ZNF503: variants seen among roughly 807,000 people sequenced by gnomAD.
ZNF503 encodes NocA-like zinc finger 2.
ZNF503 carries 15 observed loss-of-function variants against 34.4 expected under a neutral mutation model. The ratio of observed to expected loss-of-function variants is 0.44; its 90% CI spans 0.29 to 0.67. The LOEUF (loss-of-function observed/expected upper bound fraction) is 0.67. Ranked by LOEUF, ZNF503 falls within the 30% of genes least tolerant of loss-of-function variation. The probability of loss-of-function intolerance (pLI) is 0.13; values close to 1 mark genes in which losing one functional copy is unlikely to be tolerated. For synonymous variants in ZNF503, 580 were observed against 456.8 expected (o/e 1.27, Z -3.44); for missense variants, 1,007 against 926.8 (o/e 1.09, Z -1.12).
chr10:75,310,892 T>C, the ZNF503 span, among the ~76,000 whole-genome samples: 21 of 152,242 alleles, frequency 1.4e-4, no homozygotes, highest in Middle Eastern at 3.4e-3. Context: ...AGTCCCATAG[T>C]CTCATAACAT....
chr10:75,400,576 T>TC, intron 1 of ZNF503, among the ~76,000 whole-genome samples: 1 of 151,756 alleles, frequency 6.6e-6, no homozygotes, highest in Non-Finnish European at 1.5e-5. Context: ...AGCAGATTGC[T>TC]CCCCCCGCCC....
chr10:75,391,284 C>T, the ZNF503 span, among the ~76,000 whole-genome samples: 1 of 152,156 alleles, frequency 6.6e-6, no homozygotes, highest in Non-Finnish European at 1.5e-5. Flanking sequence ...GTGTGGTATC[C>T]AGGAAGACCT....
chr10:75,334,131 G>A, the ZNF503 span, among the ~76,000 whole-genome samples: 5 of 147,962 alleles, frequency 3.4e-5, no homozygotes, highest in African/African-American at 1.3e-4. Flanking sequence ...CTTCCCAGAC[G>A]GGGTGGCGGC....
chr10:75,320,727 G>GT, the ZNF503 span, among the ~76,000 whole-genome samples: 28 of 152,158 alleles, frequency 1.8e-4, no homozygotes, highest in Middle Eastern at 3.4e-3. Context: ...AATCACATAT[G>GT]TTTTTTTCCT....
chr10:75,316,610 C>A, the ZNF503 span, among the ~76,000 whole-genome samples: 1 of 152,174 alleles, frequency 6.6e-6, no homozygotes, highest in Non-Finnish European at 1.5e-5. Context: ...GTCCTCCTGC[C>A]TCAGCCTCTC....
the ZNF503 span, among the ~76,000 whole-genome samples, chr10:75,371,542 T>C: frequency 6.6e-6 from 1 of 152,184 alleles, no homozygotes; most frequent in Non-Finnish European, 1.5e-5. Context: ...CAGACTCTCA[T>C]ACATCCTTGA....
At chr10:75,391,463 C>T in the ZNF503 span, among the ~76,000 whole-genome samples, 9 of 152,146 alleles carry the variant, frequency 5.9e-5, no homozygotes, top group South Asian at 2.1e-4. Context: ...TCTTGGTGAC[C>T]GAGGGCTCCC....
the ZNF503 span, among the ~76,000 whole-genome samples, chr10:75,317,726 T>C: frequency 6.6e-6 from 1 of 152,180 alleles, no homozygotes; most frequent in African/African-American, 2.4e-5. Context: ...CCAGGTGTGG[T>C]GGCTCATACC....
the ZNF503 span, among the ~76,000 whole-genome samples, chr10:75,345,890 C>T: frequency 1.3e-5 from 2 of 152,120 alleles, no homozygotes; most frequent in Admixed American, 6.5e-5. Flanking sequence ...CTGGAGCGCA[C>T]GGTAGGGCTC....
the ZNF503 span, among the ~76,000 whole-genome samples, chr10:75,287,743 G>A: frequency 6.5e-4 from 99 of 152,180 alleles, 1 homozygote; most frequent in African/African-American, 2.3e-3. Flanking sequence ...CATTCCCTCC[G>A]CCCAGCTTTT....
In ZNF503 at chr10:75,398,818, T is replaced by C; in HGVS notation, c.1872A>G (p.Gly624=). 1 of 1,499,096 alleles carries C rather than the reference T, an allele frequency of 6.7e-7. No individual in the cohort carries two copies. Among genetic ancestry groups the C allele is most frequent in the Non-Finnish European group, 8.8e-7 (1 of 1,130,460 alleles). 92.9% of individuals were successfully genotyped at this position (1,499,096 alleles called of 1,614,324 possible). Residue 624 remains glycine (G), a synonymous_variant, in exon 2 of 2, where the codon GGA becomes GGG. Coordinates refer to ENST00000372524, the MANE Select transcript of ZNF503 (RefSeq NM_032772.6). Reference sequence around the variant, plus strand: ...AGAGGGCGTAGGGGGAGTAGTACGGTCCGGTGGCGGCGGGCACCGGCACGG... The same window carrying C: ...AGAGGGCGTAGGGGGAGTAGTACGGCCCGGTGGCGGCGGGCACCGGCACGG... ...GAPVPVPAAT[G]PYYSPYALYG... is the part of the protein sequence containing the mutation.
chr10:75,367,909 G>A, the ZNF503 span, among the ~76,000 whole-genome samples: 7 of 152,198 alleles, frequency 4.6e-5, no homozygotes, highest in Non-Finnish European at 1.5e-5. Context: ...GATTCTGAAA[G>A]CATTTCAAGT....
the ZNF503 span, among the ~76,000 whole-genome samples, chr10:75,304,978 T>G: frequency 6.6e-6 from 1 of 152,122 alleles, no homozygotes; most frequent in Non-Finnish European, 1.5e-5. Context: ...GGTCTTAGGC[T>G]TAGATGAAAA....
chr10:75,350,998 AT>A, the ZNF503 span, among the ~76,000 whole-genome samples: 1 of 152,212 alleles, frequency 6.6e-6, no homozygotes, highest in Non-Finnish European at 1.5e-5. Context: ...CATTCTACAT[AT>A]TCCACAGATG....
chr10:75,386,321 G>A, the ZNF503 span, among the ~76,000 whole-genome samples: 2 of 152,242 alleles, frequency 1.3e-5, no homozygotes, highest in East Asian at 3.9e-4. Flanking sequence ...AAAGAATCTG[G>A]GCCCCTGAAT....
At chr10:75,378,516 T>TCCTC in the ZNF503 span, among the ~76,000 whole-genome samples, 1,130 of 151,892 alleles carry the variant, frequency 7.4e-3, 9 homozygotes, top group Non-Finnish European at 0.01. Flanking sequence ...ACCCACTCTC[T>TCCTC]CCTCCCTCCC....
At chr10:75,336,343 T>G in the ZNF503 span, among the ~76,000 whole-genome samples, 3 of 150,524 alleles carry the variant, frequency 2.0e-5, no homozygotes, top group African/African-American at 7.4e-5. Flanking sequence ...AACTCAATAT[T>G]TAATACTTCC....
chr10:75,397,414 C>T (rs554763065), downstream of ZNF503, among the ~76,000 whole-genome samples: 1 of 152,312 alleles, frequency 6.6e-6, no homozygotes, highest in South Asian at 2.1e-4. Flanking sequence ...CCCACGTCCC[C>T]GAGGCCCCGG....
At chr10:75,328,480 C>T in the ZNF503 span, among the ~76,000 whole-genome samples, 3 of 152,088 alleles carry the variant, frequency 2.0e-5, no homozygotes, top group Non-Finnish European at 4.4e-5. Context: ...ATGCCAGTAC[C>T]ATGCTGTTTT....
Sources: allele counts gnomAD v4.1 joint callset (sites outside exome capture counted in the v4.1 genomes callset), GRCh38; gene constraint gnomAD v4.1.1; transcripts MANE v1.5; gene names NCBI Gene and HGNC (gene_info 2026-07-23, HGNC 2026-07-21).